Variants in GRIK3 observed in about 807,000 individuals in gnomAD.
GRIK3 encodes the protein glutamate receptor ionotropic, kainate 3.
Under a neutral mutation model 102.5 loss-of-function variants are expected in GRIK3, and 29 were observed. That is an observed-to-expected ratio of 0.28 (90% CI 0.21 to 0.39). The LOEUF (loss-of-function observed/expected upper bound fraction) is 0.39, where lower values mean the gene tolerates loss of function less well. GRIK3 is among the 10% of genes least tolerant of loss of function. The probability of loss-of-function intolerance (pLI) is 1.00; values close to 1 mark genes in which losing one functional copy is unlikely to be tolerated. For synonymous variants in GRIK3, 511 were observed against 504.9 expected (o/e 1.01, Z -0.16); for missense variants, 908 against 1,252.4 (o/e 0.73, Z 4.15).
At chr1:36,863,994 T>C (rs781069125) in intron 5 of GRIK3, among the ~76,000 whole-genome samples, 1 of 152,166 alleles carries the variant, frequency 6.6e-6, no homozygotes, top group African/African-American at 2.4e-5. Context: ...GCAAAAGTCA[T>C]TGTGGTTTTT....
At chr1:36,956,470 C>A (rs1012683242) in intron 1 of GRIK3, among the ~76,000 whole-genome samples, 1 of 152,212 alleles carries the variant, frequency 6.6e-6, no homozygotes, top group Non-Finnish European at 1.5e-5. Flanking sequence ...GGGAAAAACC[C>A]GCTAACTCCT....
chr1:36,999,582 A>C (rs1171997011), intron 1 of GRIK3, among the ~76,000 whole-genome samples: 1 of 152,186 alleles, frequency 6.6e-6, no homozygotes, highest in East Asian at 1.9e-4. Flanking sequence ...GCCCCACCTC[A>C]GCCAAGATCC....
At chr1:36,829,406 T>A (rs1231322332) in intron 10 of GRIK3, among the ~76,000 whole-genome samples, 23 of 151,746 alleles carry the variant, frequency 1.5e-4, no homozygotes, top group African/African-American at 1.5e-4. Flanking sequence ...TTTATTGTTT[T>A]TTGTTTTTTT....
intron 1 of GRIK3, among the ~76,000 whole-genome samples, chr1:36,937,881 C>T (rs1557432225): frequency 6.6e-6 from 1 of 152,202 alleles, no homozygotes; most frequent in Non-Finnish European, 1.5e-5. Context: ...AACTAATGGC[C>T]AAACTGCATG....
In GRIK3 at chr1:36,819,619, A is replaced by T. The variant is rs1642675222; in HGVS notation, c.1873+117T>A. On this transcript the variant is annotated intron_variant, in intron 12 of 15. Coordinates refer to ENST00000373091, the MANE Select transcript of GRIK3 (RefSeq NM_000831.4). The surrounding 1 kb of genome is among the most constrained non-coding windows in gnomAD (Gnocchi z 4.1). ...GATGTCTCCAAACTTCTGCCGGCTCATCAGGGTCTGAGGCTACCCCTAGAG... is the reference window on the plus strand; with the variant it reads ...GATGTCTCCAAACTTCTGCCGGCTCTTCAGGGTCTGAGGCTACCCCTAGAG... The T allele has an allele frequency of 6.0e-6, 4 of 665,810 alleles. No individual in the cohort carries two copies. The highest frequency in any genetic ancestry group is 5.2e-5 in the South Asian group (3 of 57,526). The allele number at this position is 665,810 out of a possible 1,614,324, so 41.2% of individuals were successfully genotyped here. A position where few individuals can be genotyped will look rare whatever the true frequency, so the allele number is the denominator to read the frequency against.
chr1:36,983,291 T>C (rs1053970393), intron 1 of GRIK3, among the ~76,000 whole-genome samples: 2 of 151,978 alleles, frequency 1.3e-5, no homozygotes, highest in African/African-American at 4.8e-5. Context: ...ACACACACAC[T>C]CTGGGATGTA....
chr1:36,909,427 T>C (rs1641321154), intron 1 of GRIK3, among the ~76,000 whole-genome samples: 1 of 151,896 alleles, frequency 6.6e-6, no homozygotes, highest in African/African-American at 2.4e-5. Flanking sequence ...GCCTCCTGAA[T>C]AGCTGGGACT....
chr1:36,958,042 C>G lies in GRIK3; in HGVS notation c.116-66946G>C, dbSNP rs1383764189. Among the ~76,000 whole-genome samples the G allele has an allele frequency of 3.1e-5, 4 of 128,704 alleles. No individual in the cohort carries two copies. The Admixed American group carries it at 3.2e-4, about 10-fold the overall frequency. 84.4% of individuals were successfully genotyped at this position (128,704 alleles called of 152,430 possible). ...AGTCTGTGCCCCATGAGCCTGTGTGCTCTTTGAATCTTTGCTCCGTGAGCC... is the reference window on the plus strand; with the variant it reads ...AGTCTGTGCCCCATGAGCCTGTGTGGTCTTTGAATCTTTGCTCCGTGAGCC... On this transcript the variant is annotated intron_variant, in intron 1 of 15. Coordinates refer to ENST00000373091, the MANE Select transcript of GRIK3 (RefSeq NM_000831.4).
chr1:36,868,449 C>T (rs940596873), intron 5 of GRIK3, among the ~76,000 whole-genome samples: 2 of 152,160 alleles, frequency 1.3e-5, no homozygotes, highest in African/African-American at 4.8e-5. Flanking sequence ...CAGGGTGGCT[C>T]CTGAGCTCTG....
Position 36,972,166 on chromosome 1 carries a change from G to T in GRIK3, c.115+61828C>A, listed in dbSNP as rs999299288. Among the ~76,000 whole-genome samples the T allele has an allele frequency of 2.0e-5, 3 of 152,314 alleles. No homozygotes were observed. The East Asian group carries it at 5.8e-4, about 29-fold the overall frequency. On this transcript the variant is annotated intron_variant, in intron 1 of 15. Transcript: ENST00000373091. ...TGGCATGGGCTCCGCCACGTGCTCC[G>T]CATCCCAATGAGGCTGTGATTTCTG...
chr1:36,880,807 T>C lies in GRIK3; in HGVS notation c.377A>G (p.Asn126Ser). Reference sequence around the variant, plus strand: ...CTGGATGTGGGGCACCTCCAGGGCATTGCAGATGGACTGGACGGCATTGGT... The same window carrying C: ...CTGGATGTGGGGCACCTCCAGGGCACTGCAGATGGACTGGACGGCATTGGT... ...SCTNAVQSIC[N>S]ALEVPHIQLR... is the part of the protein sequence containing the mutation. The change falls in exon 3 of 16, where the codon AAT becomes AGT. Residue 126 changes from asparagine (N) to serine (S), a missense_variant. Asn to Ser is a conservative substitution (Grantham distance 46, BLOSUM62 1). Around this residue, in one of 3 missense-constraint regions of GRIK3, gnomAD observed 585 missense variants for 824.9 expected, o/e 0.71. Coordinates refer to ENST00000373091, the MANE Select transcript of GRIK3 (RefSeq NM_000831.4). The surrounding 1 kb of genome is among the most constrained non-coding windows in gnomAD (Gnocchi z 5.4). The C allele has an allele frequency of 3.7e-6, 6 of 1,614,146 alleles. No homozygotes were observed. The highest frequency in any genetic ancestry group is 4.2e-6 in the Non-Finnish European group (5 of 1,179,990).
chr1:36,852,975 A>G (rs374396574), intron 8 of GRIK3, among the ~76,000 whole-genome samples: 1 of 152,156 alleles, frequency 6.6e-6, no homozygotes, highest in Non-Finnish European at 1.5e-5. Context: ...AAACATCTCT[A>G]TGTTAGCCAG....
At chr1:36,836,195 C>T (rs1423019991) in intron 10 of GRIK3, among the ~76,000 whole-genome samples, 3 of 152,242 alleles carry the variant, frequency 2.0e-5, no homozygotes, top group Admixed American at 6.5e-5. Flanking sequence ...CCTCCTGACA[C>T]CCATGCATGC....
At chr1:36,934,239 T>C (rs1336974622) in intron 1 of GRIK3, among the ~76,000 whole-genome samples, 1 of 152,202 alleles carries the variant, frequency 6.6e-6, no homozygotes, top group Admixed American at 6.5e-5. Flanking sequence ...CCCGATCTCC[T>C]GGGCCTCCCT....
In GRIK3 at chr1:36,806,036, G is replaced by T; in HGVS notation, c.2314+68C>A. On this transcript the variant is annotated intron_variant, in intron 14 of 15. Coordinates refer to ENST00000373091, the MANE Select transcript of GRIK3 (RefSeq NM_000831.4). This position sits in a 1 kb window ranked among gnomAD's most constrained non-coding sequence, Gnocchi z 4.0. ...AATGAGCTGTGAGACGGAGTGTGAG[G>T]GGACGCGGGGGTGGAGCCCTCCCTC... 2.0e-6 allele frequency: 2 copies of T among 995,926 alleles called. No homozygotes were observed. Among genetic ancestry groups the T allele is most frequent in the East Asian group, 2.4e-5 (1 of 41,560 alleles). 61.7% of individuals were successfully genotyped at this position (995,926 alleles called of 1,614,324 possible).
At chr1:37,009,115 G>C (rs56132351) in intron 1 of GRIK3, among the ~76,000 whole-genome samples, 2 of 151,382 alleles carry the variant, frequency 1.3e-5, no homozygotes, top group African/African-American at 4.9e-5. Context: ...TATCAACCTC[G>C]AACTGTTGTT....
At chr1:36,999,381 G>T (rs1251497177) in intron 1 of GRIK3, among the ~76,000 whole-genome samples, 2 of 152,112 alleles carry the variant, frequency 1.3e-5, no homozygotes, top group Non-Finnish European at 2.9e-5. Context: ...GTCGGGAGCC[G>T]GGTTGGGGAG....
At chr1:36,921,298 C>T (rs1034395502) in intron 1 of GRIK3, among the ~76,000 whole-genome samples, 11 of 152,232 alleles carry the variant, frequency 7.2e-5, no homozygotes, top group Non-Finnish European at 1.5e-5. Flanking sequence ...ATCCCAGCTC[C>T]TCTGCCACCT....
chr1:36,835,003 C>T (rs77539497), intron 10 of GRIK3, among the ~76,000 whole-genome samples: 1,736 of 152,332 alleles, frequency 0.011, 33 homozygotes, highest in African/African-American at 0.039. Flanking sequence ...GGTATACTCC[C>T]AAAGCCCTCT....
Sources: allele counts gnomAD v4.1 joint callset (sites outside exome capture counted in the v4.1 genomes callset), GRCh38; gene constraint gnomAD v4.1.1; regional missense constraint gnomAD v4.1.1; non-coding constraint Gnocchi (gnomAD v3.1); transcripts MANE v1.5; gene names NCBI Gene and HGNC (gene_info 2026-07-23, HGNC 2026-07-21).